NPAS2: variants seen among roughly 807,000 people sequenced by gnomAD.
The protein encoded by NPAS2 is neuronal PAS domain protein 2, also known as neuronal PAS domain-containing protein 2.
A neutral mutation model predicts 107.5 loss-of-function variants in NPAS2; 23 were observed. The observed-to-expected ratio is 0.21, with a 90% confidence interval of 0.15 to 0.30. The LOEUF is 0.30. Among genes scored for constraint, NPAS2 ranks in the 10% least tolerant of loss-of-function variants. The pLI is 1.00. For synonymous variants in NPAS2, 403 were observed against 417.5 expected, an observed-to-expected ratio of 0.97 and a Z score of 0.42; for missense variants, 756 against 1,043.3, an observed-to-expected ratio of 0.72 and a Z score of 3.79.
At chr2:100,873,307 TACACAC>T (rs368306404) in intron 1 of NPAS2, among the ~76,000 whole-genome samples, 1,923 of 41,642 alleles carry the variant, frequency 0.046, 46 homozygotes, top group South Asian at 0.068. Flanking sequence ...TATATATATA[TACACAC>T]ACACACACAC....
At chr2:100,860,076 A>G (rs752038837) in intron 1 of NPAS2, among the ~76,000 whole-genome samples, 4 of 152,214 alleles carry the variant, frequency 2.6e-5, no homozygotes, top group Non-Finnish European at 4.4e-5. Flanking sequence ...AGATTGTCCC[A>G]ATAATGTCCT....
chr2:100,868,466 A>G (rs1307731407), intron 1 of NPAS2, among the ~76,000 whole-genome samples: 1 of 152,196 alleles, frequency 6.6e-6, no homozygotes, highest in Non-Finnish European at 1.5e-5. Flanking sequence ...TGTCTCCAGG[A>G]ATAGATACAT....
rs924807052 is a variant in NPAS2, at chr2:100,820,945, C to G, written c.-23+531C>G. Reference sequence around the variant, plus strand: ...GGGTGCGGAATCGGTGCCCCCAACCCCCGTGTGCGCAGACAGCGTGCAGCC... The same window carrying G: ...GGGTGCGGAATCGGTGCCCCCAACCGCCGTGTGCGCAGACAGCGTGCAGCC... On this transcript the variant is annotated intron_variant, in intron 1 of 20. Transcript: ENST00000335681. This position sits in a 1 kb window ranked among gnomAD's most constrained non-coding sequence, Gnocchi z 5.6. 1 of 904,498 alleles carries G rather than the reference C, an allele frequency of 1.1e-6. No homozygotes were observed. The highest frequency in any genetic ancestry group is 1.5e-6 in the Non-Finnish European group (1 of 656,902). The allele number at this position is 904,498 out of a possible 1,614,324, so 56.0% of individuals were successfully genotyped here. A position where few individuals can be genotyped will look rare whatever the true frequency, so the allele number is the denominator to read the frequency against.
At chr2:100,949,279 A>G (rs1216974291) in intron 6 of NPAS2, 88 bp from the exon 7 acceptor site, 8 of 797,440 alleles carry the variant, frequency 1.0e-5, no homozygotes, top group East Asian at 5.1e-5. Context: ...ACTAAATCCC[A>G]TAAGAGTTTT....
Position 100,820,800 on chromosome 2 carries a change from G to C in NPAS2, c.-23+386G>C, listed in dbSNP as rs1330735459. ...GGGGATTGCCCGTGGTTGTCTTCGA[G>C]ACCCATCGCGCTACCCTCCGAAACG... is the stretch of plus-strand genomic sequence containing the variant. On this transcript the variant is annotated intron_variant, in intron 1 of 20. Transcript: ENST00000335681. The surrounding 1 kb of genome is among the most constrained non-coding windows in gnomAD (Gnocchi z 5.6). Among the ~76,000 whole-genome samples the C allele has an allele frequency of 6.6e-6, 1 of 152,166 alleles. No homozygotes were observed. Among genetic ancestry groups the C allele is most frequent in the African/African-American group, 2.4e-5 (1 of 41,454 alleles).
At position 100,994,441 on chromosome 2, in the gene NPAS2, G is replaced by A. The variant is rs1678326808; in HGVS notation, c.2292+914G>A. 3 of 152,298 alleles carry A rather than the reference G, an allele frequency of 2.0e-5. No individual in the cohort carries two copies. The South Asian group carries it at 6.2e-4, about 31-fold the overall frequency. 9.4% of individuals were successfully genotyped at this position (152,298 alleles called of 1,614,324 possible). On this transcript the variant is annotated intron_variant, in intron 20 of 20. Transcript: ENST00000335681. ...CTTTGCAGATCTTGTCAGTTCTCGA[G>A]ACCCAGAAGTGATTTTGGATGGGAA...
intron 1 of NPAS2, among the ~76,000 whole-genome samples, chr2:100,832,930 G>A (rs770231692): frequency 1.3e-5 from 2 of 152,116 alleles, no homozygotes; most frequent in Non-Finnish European, 2.9e-5. Context: ...GCATCTCTTT[G>A]CCCATTTTGT....
chr2:100,844,406 T>C (rs1677640687), intron 1 of NPAS2, among the ~76,000 whole-genome samples: 1 of 152,126 alleles, frequency 6.6e-6, no homozygotes, highest in Non-Finnish European at 1.5e-5. Flanking sequence ...TTAGAAGAAA[T>C]AAGTATACAT....
At chr2:100,993,863 AT>A (rs1678288394) in intron 20 of NPAS2, 1 of 260,230 alleles carries the variant, frequency 3.8e-6, no homozygotes, top group East Asian at 7.1e-5. Flanking sequence ...ATTGATGACT[AT>A]GTTGGACTTT....
chr2:100,865,069 GA>G (rs1679172185), intron 1 of NPAS2, among the ~76,000 whole-genome samples: 1 of 152,168 alleles, frequency 6.6e-6, no homozygotes, highest in Non-Finnish European at 1.5e-5. Flanking sequence ...ACATTTGTGA[GA>G]AAATGAGATT....
chr2:100,925,157 A>G lies in NPAS2; in HGVS notation c.44A>G (p.Asn15Ser). The change falls in exon 3 of 21, where the codon AAC becomes AGC. Residue 15 changes from asparagine (N) to serine (S), a missense_variant. This residue lies in a region of NPAS2 where 146 missense variants were observed against 249.6 expected (regional missense o/e 0.58). Transcript: ENST00000335681. ...TTTTGTGTTTACAGAGCTTCTCGAA[A>G]CAAGTCTGAGAAGAAGCGTCGGGAC... ...EKDRAKRASR[N>S]KSEKKRRDQF... The G allele has an allele frequency of 6.2e-7, 1 of 1,611,680 alleles. No homozygotes were observed. The highest frequency in any genetic ancestry group is 8.5e-7 in the Non-Finnish European group (1 of 1,178,122).
intron 2 of NPAS2, among the ~76,000 whole-genome samples, chr2:100,914,331 T>C (rs1444365335): frequency 6.6e-6 from 1 of 152,198 alleles, no homozygotes; most frequent in East Asian, 1.9e-4. Context: ...GAGCTGCAAG[T>C]ACAACCCTCC....
intron 7 of NPAS2, among the ~76,000 whole-genome samples, chr2:100,957,390 C>T (rs1675632860): frequency 6.6e-6 from 1 of 152,244 alleles, no homozygotes; most frequent in African/African-American, 2.4e-5. Context: ...TTTTCTTCCT[C>T]TAATCAACTG....
At chr2:100,990,678 C>A in intron 18 of NPAS2, 102 bp from the exon 19 acceptor site, 1 of 1,176,206 alleles carries the variant, frequency 8.5e-7, no homozygotes, top group Non-Finnish European at 1.3e-6. Flanking sequence ...GGATTAGAGT[C>A]AACCATAAAG....
intron 1 of NPAS2, among the ~76,000 whole-genome samples, chr2:100,843,477 A>G (rs1677577003): frequency 6.6e-6 from 1 of 152,198 alleles, no homozygotes; most frequent in African/African-American, 2.4e-5. Context: ...CAGAACCTCC[A>G]TTATGGGAAG....
intron 1 of NPAS2, among the ~76,000 whole-genome samples, chr2:100,842,081 G>GCGCGCACGCACACACACACACACA: frequency 1.3e-4 from 19 of 148,902 alleles, no homozygotes; most frequent in South Asian, 4.3e-4. Flanking sequence ...GCATGTACGC[G>GCGCGCACGCACACACACACACACA]CACACACACA....
intron 2 of NPAS2, 137 bp downstream of exon 2, chr2:100,904,923 C>A (rs1682044347): frequency 1.5e-6 from 1 of 674,886 alleles, no homozygotes; most frequent in Non-Finnish European, 2.7e-6. Context: ...CTCTCTGTGA[C>A]ATATTGCAGT....
intron 1 of NPAS2, among the ~76,000 whole-genome samples, chr2:100,821,732 C>T (rs1402781382): frequency 1.3e-5 from 2 of 152,170 alleles, no homozygotes; most frequent in African/African-American, 4.8e-5. Context: ...AGGCACTGTT[C>T]ACATTCAAGC....
At chr2:100,952,742 A>G (rs1239499700) in intron 7 of NPAS2, among the ~76,000 whole-genome samples, 3 of 150,372 alleles carry the variant, frequency 2.0e-5, no homozygotes, top group African/African-American at 7.3e-5. Flanking sequence ...GGCAGGCTTC[A>G]TTCTGAATAC....
Sources: allele counts gnomAD v4.1 joint callset (sites outside exome capture counted in the v4.1 genomes callset), GRCh38; gene constraint gnomAD v4.1.1; regional missense constraint gnomAD v4.1.1; non-coding constraint Gnocchi (gnomAD v3.1); transcripts MANE v1.5; gene names NCBI Gene and HGNC (gene_info 2026-07-23, HGNC 2026-07-21).